The following SPTAN1 variants were observed in gnomAD, a reference collection of about 807,000 sequenced individuals.
SPTAN1 encodes spectrin alpha chain, non-erythrocytic 1.
Under a neutral mutation model 331.3 loss-of-function variants are expected in SPTAN1, and 61 were observed. The observed-to-expected ratio is 0.18, with a 90% CI of 0.15 to 0.23. The LOEUF (loss-of-function observed/expected upper bound fraction) is 0.23, where lower values mean the gene tolerates loss of function less well. Ranked by LOEUF, SPTAN1 falls within the 10% of genes least tolerant of loss-of-function variation. SPTAN1 has a pLI of 1.00. For synonymous variants in SPTAN1, 1,153 were observed against 1,173.9 expected (o/e 0.98, Z 0.36); for missense variants, 2,043 against 3,147.9 (o/e 0.65, Z 8.40).
chr9:128,616,945 ATTAC>A (rs1857241592), intron 41 of SPTAN1, among the ~76,000 whole-genome samples: 1 of 151,840 alleles, frequency 6.6e-6, no homozygotes, highest in Non-Finnish European at 1.5e-5. Context: ...AAATATATAT[ATTAC>A]TTATATAGCT....
intron 52 of SPTAN1, chr9:128,631,758 T>G (rs1589413799): frequency 8.3e-6 from 2 of 239,902 alleles, no homozygotes; most frequent in South Asian, 5.6e-5. Flanking sequence ...ACCCGGGAGG[T>G]TGCAGTGAGC....
chr9:128,561,453 A>G (rs1189473863), intron 1 of SPTAN1, among the ~76,000 whole-genome samples: 3 of 151,318 alleles, frequency 2.0e-5, no homozygotes, highest in Admixed American at 2.0e-4. Context: ...CACGAGGTCA[A>G]GAGATCGAGA....
In SPTAN1 at chr9:128,584,376, T is replaced by A; in HGVS notation, c.2288T>A (p.Val763Glu). 1 of 1,614,210 alleles carries A rather than the reference T, an allele frequency of 6.2e-7. No homozygotes were observed. Among genetic ancestry groups the A allele is most frequent in the East Asian group, 2.2e-5 (1 of 44,880 alleles). ...ATCAAGAAGAAACAGGAAGCCCTCG[T>A]GGCTCGCTATGAGGCACTCAAGGAG... ...ENIKKKQEAL[V>E]ARYEALKEPM... The change falls in exon 17 of 57, where the codon GTG (valine) becomes GAG (glutamate). Residue 763 changes from valine to glutamate, a missense_variant. Transcript: ENST00000372739.
chr9:128,608,805 C>T (rs1564281582), intron 34 of SPTAN1, 69 bp from the exon 35 acceptor site: 1 of 1,472,378 alleles, frequency 6.8e-7, no homozygotes, highest in Non-Finnish European at 9.5e-7. Context: ...ATCCTTTTCT[C>T]AAGACTGGCA....
At chr9:128,565,100 C>A (rs1242919774) in intron 1 of SPTAN1, among the ~76,000 whole-genome samples, 3 of 152,054 alleles carry the variant, frequency 2.0e-5, no homozygotes, top group African/African-American at 7.2e-5. Context: ...GTCAAGAGAT[C>A]GAGACCATCC....
chr9:128,625,140 C>T lies in SPTAN1; in HGVS notation c.6030C>T (p.Gly2010=), dbSNP rs982189616. ...KENSLKTDDY[G]RDLSSVQTLL... ...ACAGCTTGAAGACAGATGATTATGG[C>T]CGAGACCTGTCTTCTGTGCAGACGC... Residue 2010 remains glycine, a synonymous_variant, in exon 47 of 57, where the codon GGC becomes GGT. Coordinates refer to ENST00000372739, the MANE Select transcript of SPTAN1 (RefSeq NM_001130438.3). The surrounding 1 kb of genome is among the most constrained non-coding windows in gnomAD (Gnocchi z 4.1). 3.1e-6 allele frequency: 5 copies of T among 1,614,168 alleles called. No individual in the cohort carries two copies. Among genetic ancestry groups the T allele is most frequent in the Non-Finnish European group, 4.2e-6 (5 of 1,180,036 alleles).
intron 28 of SPTAN1, 132 bp from the exon 29 acceptor site, chr9:128,604,194 G>T: frequency 1.1e-6 from 1 of 931,982 alleles, no homozygotes; most frequent in Non-Finnish European, 1.7e-6. Context: ...AATTTATTCA[G>T]CGAGGAAGGT....
In SPTAN1 at chr9:128,582,739, C is replaced by T. The variant is rs773019990; in HGVS notation, c.1696C>T (p.Arg566Trp). The T allele has an allele frequency of 4.9e-5, 79 of 1,613,884 alleles. No individual in the cohort carries two copies. The highest frequency in any genetic ancestry group is 6.5e-5 in the Non-Finnish European group (77 of 1,180,046). The change falls in exon 14 of 57, where the codon CGG becomes TGG. Residue 566 changes from arginine (R) to tryptophan (W), a missense_variant. By Grantham distance (101) the Arg-to-Trp change is moderately radical. Around this residue, in one of 12 missense-constraint regions of SPTAN1, gnomAD observed 1,038 missense variants for 1,531.5 expected, o/e 0.68. Transcript: ENST00000372739. The part of the protein sequence containing the change: ...NALHERAMRR[R>W]AQLADSFHLQ... ...CCTTCACGAGAGAGCCATGCGTCGCCGGGCCCAGCTAGCCGATTCTTTCCA... is the reference window on the plus strand; with the variant it reads ...CCTTCACGAGAGAGCCATGCGTCGCTGGGCCCAGCTAGCCGATTCTTTCCA...
Position 128,632,798 on chromosome 9 carries a change from C to A in SPTAN1, c.7161-10C>A. On this transcript the variant is annotated splice_polypyrimidine_tract_variant and intron_variant, in intron 55 of 56. Coordinates refer to ENST00000372739, the MANE Select transcript of SPTAN1 (RefSeq NM_001130438.3). ...CTCCCTGCTCAGGCTCTTGCTTCCC[C>A]CGCTCCTAGAGATGGCCATGTCTCC... 6.2e-7 allele frequency: 1 copy of A among 1,614,100 alleles called. No individual in the cohort carries two copies. Among genetic ancestry groups the A allele is most frequent in the Non-Finnish European group, 8.5e-7 (1 of 1,180,040 alleles).
chr9:128,574,646 T>G, intron 3 of SPTAN1, 29 bp from the exon 4 acceptor site: 1 of 1,614,040 alleles, frequency 6.2e-7, no homozygotes. Context: ...AGTTGTGATC[T>G]GATTAAAACT....
Position 128,605,389 on chromosome 9 carries a change from G to A in SPTAN1, c.3958G>A (p.Ala1320Thr). 1 of 1,614,210 alleles carries A rather than the reference G, an allele frequency of 6.2e-7. No individual in the cohort carries two copies. Among genetic ancestry groups the A allele is most frequent in the Non-Finnish European group, 8.5e-7 (1 of 1,180,048 alleles). The change falls in exon 31 of 57, where the codon GCC becomes ACC. Residue 1320 changes from alanine (A) to threonine (T), a missense_variant. This residue lies in a region of SPTAN1 where 179 missense variants were observed against 215.7 expected (regional missense o/e 0.83). Coordinates refer to ENST00000372739, the MANE Select transcript of SPTAN1 (RefSeq NM_001130438.3). ...GGAAAAGTGCACAGAGTTAAACCAGGCCTGGAGCAGCCTGGGGAAACGTGC... is the reference window on the plus strand; with the variant it reads ...GGAAAAGTGCACAGAGTTAAACCAGACCTGGAGCAGCCTGGGGAAACGTGC... ...LQEKCTELNQ[A>T]WSSLGKRADQ...
intron 43 of SPTAN1, among the ~76,000 whole-genome samples, chr9:128,618,385 T>G (rs1406915202): frequency 1.3e-5 from 2 of 152,018 alleles, no homozygotes; most frequent in African/African-American, 4.8e-5. Context: ...CACATGATTC[T>G]CCAGAAATCA....
intron 44 of SPTAN1, among the ~76,000 whole-genome samples, chr9:128,620,103 C>T (rs1466087791): frequency 2.0e-5 from 3 of 152,214 alleles, no homozygotes; most frequent in African/African-American, 4.8e-5. Flanking sequence ...CACACATCAT[C>T]CTCACTGCCT....
chr9:128,600,554 A>G (rs889695332), intron 27 of SPTAN1, among the ~76,000 whole-genome samples: 2 of 152,222 alleles, frequency 1.3e-5, no homozygotes, highest in Non-Finnish European at 2.9e-5. Flanking sequence ...GGGAGGAATG[A>G]GATGTTTCCC....
rs185616033 is a variant in SPTAN1 at position 128,574,953 on chromosome 9, C to G, written c.504+138C>G. Reference sequence around the variant, plus strand: ...AAGGGTGGAAGTGGGGTTGCTGTCTCTCCAGCTGCTCTCTAGGTGTATGTG... The same window carrying G: ...AAGGGTGGAAGTGGGGTTGCTGTCTGTCCAGCTGCTCTCTAGGTGTATGTG... On this transcript the variant is annotated intron_variant, in intron 4 of 56. Coordinates refer to ENST00000372739, the MANE Select transcript of SPTAN1 (RefSeq NM_001130438.3). 7.2e-6 allele frequency: 9 copies of G among 1,247,212 alleles called. No homozygotes were observed. In the East Asian group the frequency reaches 2.1e-4, roughly 29 times the overall value. 77.3% of individuals were successfully genotyped at this position (1,247,212 alleles called of 1,614,324 possible).
At chr9:128,599,952 C>A in intron 26 of SPTAN1, 128 bp from the exon 27 acceptor site, 1 of 941,000 alleles carries the variant, frequency 1.1e-6, no homozygotes, top group Non-Finnish European at 1.7e-6. Flanking sequence ...AGGGAAAATG[C>A]TGTTTTGGTT....
chr9:128,555,633 T>TC (rs1848554334), intron 1 of SPTAN1, among the ~76,000 whole-genome samples: 2 of 151,598 alleles, frequency 1.3e-5, no homozygotes, highest in African/African-American at 4.8e-5. Context: ...TTTTTTTTTT[T>TC]TTTTTTTTTT....
intron 1 of SPTAN1, chr9:128,553,251 ATC>A (rs1848324233): frequency 6.6e-6 from 1 of 152,262 alleles, no homozygotes; most frequent in African/African-American, 2.4e-5. Flanking sequence ...TGCATGGCGA[ATC>A]TCTGCCGTCT....
rs1384237884 is a variant in SPTAN1 at position 128,590,554 on chromosome 9, GA to G, written c.3007-909del. Among the ~76,000 whole-genome samples, 550 of 133,904 alleles carry G rather than the reference GA, an allele frequency of 4.1e-3. 11 individuals are homozygous for G. The highest frequency in any genetic ancestry group is 0.015 in the African/African-American group (527 of 34,522). The allele number at this position is 133,904 out of a possible 152,430, so 87.8% of individuals were successfully genotyped here. On this transcript the variant is annotated intron_variant, in intron 21 of 56. Coordinates refer to ENST00000372739, the MANE Select transcript of SPTAN1 (RefSeq NM_001130438.3). ...CCTCATCTCTATTTATATTAAAAAA[GA>G]AAAAAAAAAAAAAGGGCCAGGCGTG... is the stretch of plus-strand genomic sequence containing the variant.
Sources: allele counts gnomAD v4.1 joint callset (sites outside exome capture counted in the v4.1 genomes callset), GRCh38; gene constraint gnomAD v4.1.1; regional missense constraint gnomAD v4.1.1; non-coding constraint Gnocchi (gnomAD v3.1); transcripts MANE v1.5; gene names NCBI Gene and HGNC (gene_info 2026-07-23, HGNC 2026-07-21).